CDKN2B-AS1: variants seen among roughly 807,000 people sequenced by gnomAD.
The protein encoded by CDKN2B-AS1 is CDKN2B and CDKN2A antisense cis and trans regulatory RNA 1, also known as CDKN2B antisense RNA 1 (non-protein coding).
chr9:22,023,580 CAAAA>C (rs111513140), intron 1 of CDKN2B-AS1, among the ~76,000 whole-genome samples: 1 of 143,342 alleles, frequency 7.0e-6, no homozygotes, highest in Non-Finnish European at 1.5e-5. Context: ...CTAAAAATAC[CAAAA>C]AAAAAAATCA....
At chr9:22,042,496 A>G (rs1330912206) in intron 1 of CDKN2B-AS1, among the ~76,000 whole-genome samples, 2 of 152,078 alleles carry the variant, frequency 1.3e-5, no homozygotes, top group Non-Finnish European at 2.9e-5. Context: ...AACAGATAAA[A>G]TTAAGGAATG....
chr9:22,025,617 G>T (rs1040311170), intron 1 of CDKN2B-AS1, among the ~76,000 whole-genome samples: 5 of 152,130 alleles, frequency 3.3e-5, no homozygotes, highest in Admixed American at 2.6e-4. Context: ...TCCAGTCCCT[G>T]GTCACTTTAG....
chr9:22,015,914 T>A (rs541875424), intron 1 of CDKN2B-AS1, among the ~76,000 whole-genome samples: 1 of 152,248 alleles, frequency 6.6e-6, no homozygotes, highest in East Asian at 1.9e-4. Context: ...TGTCTGTTCA[T>A]ATCCTTCGCC....
chr9:22,096,953 T>A (rs1015840162), intron 4 of CDKN2B-AS1, among the ~76,000 whole-genome samples: 4 of 152,264 alleles, frequency 2.6e-5, no homozygotes, highest in Admixed American at 1.3e-4. Context: ...GCCCTTATTT[T>A]TCTTTGCCTG....
At chr9:22,038,844 C>T (rs780723732) in intron 1 of CDKN2B-AS1, among the ~76,000 whole-genome samples, 4 of 151,990 alleles carry the variant, frequency 2.6e-5, no homozygotes, top group Non-Finnish European at 5.9e-5. Context: ...TAAAAAACAA[C>T]TGCTTATCTC....
At chr9:22,049,054 G>A (rs903366763) in intron 2 of CDKN2B-AS1, 1 of 152,092 alleles carries the variant, frequency 6.6e-6, no homozygotes, top group African/African-American at 2.4e-5. Context: ...TTCCAGTGGT[G>A]TTTCTAAATA....
At position 22,005,754 on chromosome 9, in the gene CDKN2B-AS1, C is replaced by T; in HGVS notation, n.29+10593C>T. The stretch of plus-strand genomic sequence containing the variant: ...CACACTCCTAAATATCCCTGGAAAT[C>T]CGCTTCTCTGTGTTTCGCTTCATGG... On this transcript the variant is annotated intron_variant and non_coding_transcript_variant, in intron 1 of 4. Coordinates refer to ENST00000650946, the Ensembl canonical transcript of CDKN2B-AS1. This position sits in a 1 kb window ranked among gnomAD's most constrained non-coding sequence, Gnocchi z 4.9. 1.6e-6 allele frequency: 1 copy of T among 612,710 alleles called. No individual in the cohort carries two copies. Among genetic ancestry groups the T allele is most frequent in the East Asian group, 2.8e-5 (1 of 36,004 alleles). The allele number at this position is 612,710 out of a possible 1,614,324, so 38.0% of individuals were successfully genotyped here. A position where few individuals can be genotyped will look rare whatever the true frequency, so the allele number is the denominator to read the frequency against.
At chr9:22,037,691 G>C (rs76590643) in intron 1 of CDKN2B-AS1, among the ~76,000 whole-genome samples, 171 of 152,050 alleles carry the variant, frequency 1.1e-3, no homozygotes, top group African/African-American at 3.7e-3. Flanking sequence ...CACCACAAAG[G>C]GTAGTGGAGA....
chr9:22,125,355 G>A (rs1217189817), intron 4 of CDKN2B-AS1, among the ~76,000 whole-genome samples: 2 of 152,150 alleles, frequency 1.3e-5, no homozygotes, highest in Non-Finnish European at 2.9e-5. Context: ...TTTAAATGTC[G>A]AATTATTGAA....
intron 4 of CDKN2B-AS1, among the ~76,000 whole-genome samples, chr9:22,076,515 T>G (rs1409951241): frequency 6.6e-6 from 1 of 152,114 alleles, no homozygotes; most frequent in African/African-American, 2.4e-5. Flanking sequence ...AAAATATATT[T>G]TAAGGTATAC....
chr9:22,119,318 A>G (rs1338119496), intron 4 of CDKN2B-AS1: 2 of 152,232 alleles, frequency 1.3e-5, no homozygotes, highest in Non-Finnish European at 2.9e-5. Flanking sequence ...AGGCAAACAC[A>G]GTAAATTCAT....
intron 1 of CDKN2B-AS1, among the ~76,000 whole-genome samples, chr9:22,044,823 G>A (rs1422308631): frequency 6.6e-6 from 1 of 151,788 alleles, no homozygotes; most frequent in African/African-American, 2.4e-5. Context: ...ATCTTGGCTG[G>A]GAAAGAAGTT....
intron 4 of CDKN2B-AS1, among the ~76,000 whole-genome samples, chr9:22,105,443 C>T (rs1378031600): frequency 1.3e-5 from 2 of 152,176 alleles, no homozygotes; most frequent in African/African-American, 2.4e-5. Flanking sequence ...TGCATGATTG[C>T]ATGAAGCGGG....
At chr9:22,106,919 T>A (rs1452776678) in intron 4 of CDKN2B-AS1, among the ~76,000 whole-genome samples, 1 of 152,218 alleles carries the variant, frequency 6.6e-6, no homozygotes, top group African/African-American at 2.4e-5. Flanking sequence ...TCAAACAGGT[T>A]AAGAAACTTT....
At chr9:22,084,844 A>G (rs1239540961) in intron 4 of CDKN2B-AS1, among the ~76,000 whole-genome samples, 2 of 152,228 alleles carry the variant, frequency 1.3e-5, no homozygotes, top group East Asian at 3.8e-4. Flanking sequence ...AAACTGATAC[A>G]CTAAAGAAAT....
At chr9:22,050,787 A>G (rs1276010919) in intron 3 of CDKN2B-AS1, among the ~76,000 whole-genome samples, 1 of 152,202 alleles carries the variant, frequency 6.6e-6, no homozygotes, top group Non-Finnish European at 1.5e-5. Context: ...GCTTCTTGCC[A>G]TGTCAATCTG....
chr9:22,118,800 T>A (rs531166355), intron 4 of CDKN2B-AS1: 3 of 152,328 alleles, frequency 2.0e-5, no homozygotes, highest in Admixed American at 6.5e-5. Flanking sequence ...TTCACATGTA[T>A]GTGAATTTCA....
chr9:22,103,285 G>A lies in CDKN2B-AS1; in HGVS notation n.439-23818G>A, dbSNP rs544876432. ...CATTATCACCACTGATATATAGCTG[G>A]AAGAGTTTAGTGTTGCCCTGCTAAG... On this transcript the variant is annotated intron_variant and non_coding_transcript_variant, in intron 4 of 4. Transcript: ENST00000650946. Among the ~76,000 whole-genome samples the A allele has an allele frequency of 1.5e-3, 221 of 152,126 alleles. No individual in the cohort carries two copies. The Middle Eastern group carries it at 0.017, about 12-fold the overall frequency.
chr9:22,055,409 C>A (rs1329698705), intron 3 of CDKN2B-AS1, among the ~76,000 whole-genome samples: 1 of 152,074 alleles, frequency 6.6e-6, no homozygotes, highest in African/African-American at 2.4e-5. Flanking sequence ...ATCCTTTGGG[C>A]TTTTGCAACT....
Sources: gnomAD v4.1 joint callset for allele counts (sites outside exome capture counted in the v4.1 genomes callset) on GRCh38, gnomAD v4.1.1 for gene constraint, Gnocchi (gnomAD v3.1) non-coding constraint, MANE v1.5 for transcripts, NCBI Gene and HGNC (gene_info 2026-07-23, HGNC 2026-07-21) for gene names.